Variants in PDE4D observed in about 807,000 individuals in gnomAD.
PDE4D encodes the protein 3',5'-cyclic-AMP phosphodiesterase 4D.
Under a neutral mutation model 87.4 loss-of-function variants are expected in PDE4D, and 24 were observed. The ratio of observed to expected loss-of-function variants is 0.27; its 90% CI spans 0.20 to 0.39. PDE4D has a LOEUF of 0.39. PDE4D is among the 10% of genes least tolerant of loss of function. The probability of loss-of-function intolerance (pLI) is 1.00; values close to 1 mark genes in which losing one functional copy is unlikely to be tolerated. For synonymous variants in PDE4D, 384 were observed against 383.2 expected, an observed-to-expected ratio of 1.00 and a Z score of -0.02; for missense variants, 714 against 1,041.0, an observed-to-expected ratio of 0.69 and a Z score of 4.32.
chr5:60,236,279 T>A (rs904705395), intron 1 of PDE4D, among the ~76,000 whole-genome samples: 3 of 151,858 alleles, frequency 2.0e-5, no homozygotes, highest in Admixed American at 2.0e-4. Context: ...GTTTTGTGAA[T>A]GGCCCCTGCT....
chr5:59,354,149 T>C (rs6895685), intron 1 of PDE4D, among the ~76,000 whole-genome samples: 15,873 of 152,056 alleles, frequency 0.1, 2,477 homozygotes, highest in African/African-American at 0.34. Flanking sequence ...ATAGGCACAT[T>C]TGAAGATTTT....
At chr5:59,594,473 A>C (rs1038234833) in intron 1 of PDE4D, among the ~76,000 whole-genome samples, 4 of 151,998 alleles carry the variant, frequency 2.6e-5, no homozygotes, top group African/African-American at 4.8e-5. Context: ...GGTATGTGTC[A>C]CCATGACTGG....
intron 1 of PDE4D, among the ~76,000 whole-genome samples, chr5:59,437,696 C>A (rs538010014): frequency 7.2e-5 from 11 of 151,766 alleles, no homozygotes; most frequent in African/African-American, 2.4e-4. Flanking sequence ...TGGCATAACT[C>A]CTATCTAGGA....
At chr5:59,799,239 G>T (rs1766844686) in intron 1 of PDE4D, among the ~76,000 whole-genome samples, 1 of 152,232 alleles carries the variant, frequency 6.6e-6, no homozygotes, top group Non-Finnish European at 1.5e-5. Flanking sequence ...CAACTTTGGG[G>T]TCTGTTTTGA....
intron 1 of PDE4D, among the ~76,000 whole-genome samples, chr5:59,737,418 A>G (rs1156908128): frequency 6.6e-6 from 1 of 152,130 alleles, no homozygotes; most frequent in Admixed American, 6.5e-5. Context: ...GAAATCAGCC[A>G]TGAAATTTGA....
chr5:59,738,170 G>T (rs1382739626), intron 1 of PDE4D, among the ~76,000 whole-genome samples: 3 of 152,174 alleles, frequency 2.0e-5, no homozygotes, highest in Non-Finnish European at 4.4e-5. Flanking sequence ...ATTTTTTATA[G>T]ACAGGCTAAG....
intron 5 of PDE4D, among the ~76,000 whole-genome samples, chr5:59,069,693 C>T (rs552733167): frequency 1.3e-5 from 2 of 152,242 alleles, no homozygotes; most frequent in African/African-American, 4.8e-5. Context: ...CCGCATTCCA[C>T]TCTTGGCACC....
chr5:59,636,550 A>G (rs1832273272), intron 1 of PDE4D, among the ~76,000 whole-genome samples: 1 of 152,204 alleles, frequency 6.6e-6, no homozygotes, highest in Non-Finnish European at 1.5e-5. Flanking sequence ...TGGTACCAAA[A>G]CAGGTATATA....
In PDE4D at chr5:59,878,887, GTT is replaced by G. The variant is rs70975345; in HGVS notation, c.455+14279_455+14280del. ...ATGGTCTACATATCTACCGAAGTAAGTTTTTTTTTTTTTTTTTTTTTTTTTTT... is the reference window on the plus strand; with the variant it reads ...ATGGTCTACATATCTACCGAAGTAAGTTTTTTTTTTTTTTTTTTTTTTTTT... On this transcript the variant is annotated intron_variant, in intron 1 of 14. Coordinates refer to ENST00000340635, the MANE Select transcript of PDE4D (RefSeq NM_001104631.2). 7.1e-3 allele frequency among the ~76,000 whole-genome samples: 507 copies of G among 71,742 alleles called. 6 individuals carry two copies. Among genetic ancestry groups the G allele is most frequent in the African/African-American group, 0.019 (381 of 20,044 alleles). 47.1% of individuals were successfully genotyped at this position (71,742 alleles called of 152,430 possible).
At chr5:59,653,998 G>A (rs1020035489) in intron 1 of PDE4D, among the ~76,000 whole-genome samples, 1 of 151,956 alleles carries the variant, frequency 6.6e-6, no homozygotes, top group Admixed American at 6.6e-5. Flanking sequence ...TTAAGCCCAG[G>A]AGTTCAAGCC....
chr5:59,961,434 G>A (rs1185388465), intron 3 of PDE4D, among the ~76,000 whole-genome samples: 2 of 152,002 alleles, frequency 1.3e-5, no homozygotes, highest in Non-Finnish European at 2.9e-5. Flanking sequence ...ATCCCCCAGA[G>A]CCTCCAGAGG....
At chr5:60,423,348 C>T (rs941670021) in intron 1 of PDE4D, among the ~76,000 whole-genome samples, 3 of 152,218 alleles carry the variant, frequency 2.0e-5, no homozygotes, top group African/African-American at 7.2e-5. Flanking sequence ...AACTGTCTCT[C>T]AGACCACAAT....
chr5:60,098,602 C>T (rs917570661), intron 2 of PDE4D, among the ~76,000 whole-genome samples: 1 of 151,936 alleles, frequency 6.6e-6, no homozygotes, highest in African/African-American at 2.4e-5. Flanking sequence ...TACAGAAATG[C>T]AACTGGATTT....
intron 1 of PDE4D, among the ~76,000 whole-genome samples, chr5:59,546,949 G>T (rs868226831): frequency 2.0e-5 from 3 of 152,066 alleles, no homozygotes; most frequent in South Asian, 2.1e-4. Context: ...CAAAGCTAAC[G>T]TCAGAAATGC....
At chr5:59,408,920 G>A (rs1006766311) in intron 1 of PDE4D, among the ~76,000 whole-genome samples, 1 of 152,162 alleles carries the variant, frequency 6.6e-6, no homozygotes, top group African/African-American at 2.4e-5. Context: ...GCTGAGACAG[G>A]TGAATCACCT....
chr5:59,491,436 A>G (rs1806162674), intron 1 of PDE4D, among the ~76,000 whole-genome samples: 1 of 152,212 alleles, frequency 6.6e-6, no homozygotes, highest in African/African-American at 2.4e-5. Flanking sequence ...CAGTAAAGCA[A>G]GTTATCATAT....
chr5:59,272,218 C>A (rs1057440733), intron 1 of PDE4D, among the ~76,000 whole-genome samples: 8 of 151,976 alleles, frequency 5.3e-5, no homozygotes, highest in Admixed American at 6.6e-5. Flanking sequence ...AAGTCCACTT[C>A]CATTGACTAA....
chr5:60,296,368 T>C (rs1053615891), intron 1 of PDE4D, among the ~76,000 whole-genome samples: 4 of 152,194 alleles, frequency 2.6e-5, no homozygotes, highest in Non-Finnish European at 5.9e-5. Flanking sequence ...ATCTCCTTTA[T>C]TTGTTTTTTC....
upstream of PDE4D, among the ~76,000 whole-genome samples, chr5:59,895,372 G>A (rs187188875): frequency 1.3e-3 from 203 of 152,240 alleles, 3 homozygotes; most frequent in Admixed American, 0.011. Flanking sequence ...TTTAATATGA[G>A]CCCTCTGCTC....
Sources: gnomAD v4.1 joint callset for allele counts (sites outside exome capture counted in the v4.1 genomes callset) on GRCh38, gnomAD v4.1.1 for gene constraint, MANE v1.5 for transcripts, NCBI Gene and HGNC (gene_info 2026-07-23, HGNC 2026-07-21) for gene names.